Variants in DRC9 observed in about 807,000 individuals in gnomAD.
DRC9 encodes dynein regulatory complex subunit 9, also known as dynein regulatory complex protein 9.
the DRC9 span, chr3:197,889,495 T>G: frequency 1.3e-5 from 19 of 1,478,004 alleles, no homozygotes; most frequent in African/African-American, 1.9e-4. Flanking sequence ...AGATGAGTCA[T>G]CTTTGAGGTA....
the DRC9 span, among the ~76,000 whole-genome samples, chr3:197,933,993 A>T: frequency 5.3e-5 from 8 of 150,242 alleles, no homozygotes; most frequent in Non-Finnish European, 7.4e-5. Flanking sequence ...AAAAAAAAAA[A>T]AGAAGTTTTC....
the DRC9 span, among the ~76,000 whole-genome samples, chr3:197,918,881 T>G: frequency 1.3e-5 from 2 of 152,116 alleles, no homozygotes; most frequent in Admixed American, 6.5e-5. Context: ...CAATCTTGGC[T>G]CATTGCAACT....
chr3:197,893,687 C>CAA, the DRC9 span, among the ~76,000 whole-genome samples: 1,250 of 124,340 alleles, frequency 0.01, 24 homozygotes, highest in African/African-American at 0.033. Context: ...ACTAAAACTA[C>CAA]AAAAAAAAAA....
chr3:197,921,400 A>C, the DRC9 span, among the ~76,000 whole-genome samples: 2 of 1,376 alleles, frequency 1.5e-3, no homozygotes, highest in Non-Finnish European at 3.2e-3. Flanking sequence ...TTCTTGGTCG[A>C]CCCGACTACT....
the DRC9 span, among the ~76,000 whole-genome samples, chr3:197,928,418 G>A: frequency 1.3e-5 from 2 of 148,966 alleles, no homozygotes; most frequent in Non-Finnish European, 1.5e-5. Context: ...GCGCAATCTC[G>A]GCTCACTGCA....
At chr3:197,946,312 G>A in the DRC9 span, among the ~76,000 whole-genome samples, 2 of 151,698 alleles carry the variant, frequency 1.3e-5, no homozygotes, top group African/African-American at 4.9e-5. Context: ...GCGGGTGCCT[G>A]TAGTCCCAGC....
At chr3:197,949,961 T>C in the DRC9 span, 4 of 454,216 alleles carry the variant, frequency 8.8e-6, no homozygotes, top group Admixed American at 4.4e-5. Context: ...CTTTGGCGGA[T>C]TTAGCTGGCT....
the DRC9 span, among the ~76,000 whole-genome samples, chr3:197,946,483 G>A: frequency 6.7e-6 from 1 of 148,618 alleles, no homozygotes; most frequent in South Asian, 2.2e-4. Flanking sequence ...CTGGAAATCA[G>A]TTTAACATTG....
At chr3:197,905,951 A>G in the DRC9 span, among the ~76,000 whole-genome samples, 1 of 152,196 alleles carries the variant, frequency 6.6e-6, no homozygotes, top group Non-Finnish European at 1.5e-5. Context: ...CAAGAAAAAA[A>G]GATACTTCCT....
the DRC9 span, among the ~76,000 whole-genome samples, chr3:197,915,177 A>G: frequency 5.2e-4 from 78 of 150,452 alleles, no homozygotes; most frequent in Middle Eastern, 3.4e-3. Context: ...AAAAAAAAAA[A>G]AAAAGAAAAG....
the DRC9 span, among the ~76,000 whole-genome samples, chr3:197,931,850 C>CT: frequency 7.2e-5 from 11 of 152,184 alleles, no homozygotes; most frequent in Admixed American, 4.6e-4. Flanking sequence ...TGGTCTTGAT[C>CT]TCCTGACCTC....
the DRC9 span, among the ~76,000 whole-genome samples, chr3:197,891,810 A>C: frequency 6.6e-6 from 1 of 152,220 alleles, no homozygotes; most frequent in African/African-American, 2.4e-5. Context: ...ATGTGTGATC[A>C]ATGATCTCAA....
the DRC9 span, among the ~76,000 whole-genome samples, chr3:197,903,631 G>C: frequency 1.3e-5 from 2 of 152,196 alleles, no homozygotes; most frequent in South Asian, 4.1e-4. Context: ...GCAAGACTCT[G>C]TCTCAATAAA....
chr3:197,907,511 T>G, the DRC9 span, among the ~76,000 whole-genome samples: 340 of 152,370 alleles, frequency 2.2e-3, 2 homozygotes, highest in East Asian at 5.2e-3. Context: ...CTGTTGGATC[T>G]AACACTCTTA....
the DRC9 span, chr3:197,954,440 C>T: frequency 4.6e-6 from 2 of 438,246 alleles, no homozygotes; most frequent in Non-Finnish European, 8.5e-6. Flanking sequence ...TTCAAGCAAT[C>T]CTTCCACCTC....
chr3:197,940,580 T>C, the DRC9 span, among the ~76,000 whole-genome samples: 2 of 152,218 alleles, frequency 1.3e-5, no homozygotes, highest in African/African-American at 4.8e-5. Flanking sequence ...TAATCTTTCC[T>C]CTCAACGTTG....
chr3:197,941,337 TC>T, the DRC9 span, among the ~76,000 whole-genome samples: 2 of 82,314 alleles, frequency 2.4e-5, no homozygotes, highest in Non-Finnish European at 2.1e-5. Flanking sequence ...CCTCTCTCTC[TC>T]CCCTCTGTCT....
the DRC9 span, among the ~76,000 whole-genome samples, chr3:197,927,611 C>T: frequency 6.6e-6 from 1 of 152,164 alleles, no homozygotes; most frequent in East Asian, 1.9e-4. Flanking sequence ...GTACTTCCCA[C>T]TCATAGATCA....
the DRC9 span, among the ~76,000 whole-genome samples, chr3:197,954,704 C>T: frequency 6.6e-6 from 1 of 152,064 alleles, no homozygotes; most frequent in Non-Finnish European, 1.5e-5. Flanking sequence ...TATTTTGTTT[C>T]TCCATGTTGC....
Sources: allele counts gnomAD v4.1 joint callset (sites outside exome capture counted in the v4.1 genomes callset), GRCh38; gene constraint gnomAD v4.1.1; transcripts MANE v1.5; gene names NCBI Gene and HGNC (gene_info 2026-07-23, HGNC 2026-07-21).